The following ARHGEF4 variants were observed in gnomAD, a reference collection of about 807,000 sequenced individuals.
ARHGEF4 encodes the protein Rho guanine nucleotide exchange factor 4, also known as APC-stimulated guanine nucleotide exchange factor 1.
In ARHGEF4, 119 loss-of-function variants were observed where a neutral mutation model predicts 162.0. The ratio of observed to expected loss-of-function variants is 0.73; its 90% CI spans 0.63 to 0.86. The LOEUF (loss-of-function observed/expected upper bound fraction) is 0.86, where lower values mean the gene tolerates loss of function less well. Among genes scored for constraint, ARHGEF4 ranks in the 40% least tolerant of loss-of-function variants. The pLI is 0.00. For synonymous variants in ARHGEF4, 1,014 were observed against 979.9 expected (o/e 1.03, Z -0.65); for missense variants, 2,488 against 2,456.0 (o/e 1.01, Z -0.28).
At chr2:130,906,550 A>G (rs1680821120) in intron 1 of ARHGEF4, among the ~76,000 whole-genome samples, 1 of 152,120 alleles carries the variant, frequency 6.6e-6, no homozygotes, top group East Asian at 1.9e-4. Context: ...TCTTTTTCTG[A>G]TGGTAAGAAA....
chr2:130,905,005 G>A (rs930081567), intron 1 of ARHGEF4, among the ~76,000 whole-genome samples: 10 of 152,206 alleles, frequency 6.6e-5, no homozygotes, highest in Non-Finnish European at 1.3e-4. Flanking sequence ...CTTGAACATC[G>A]GAGGCAGAGG....
Position 131,046,044 on chromosome 2 carries a change from G to A in ARHGEF4, c.5486G>A (p.Gly1829Asp), listed in dbSNP as rs1264315488. 5.0e-6 allele frequency: 8 copies of A among 1,610,432 alleles called. No individual in the cohort carries two copies. The South Asian group carries it at 7.7e-5, about 16-fold the overall frequency. The change falls in exon 14 of 14, where the codon GGC (glycine) becomes GAC (aspartate). Residue 1829 changes from glycine to aspartate, a missense_variant. This residue lies in a region of ARHGEF4 where 415 missense variants were observed against 512.4 expected (regional missense o/e 0.81). Coordinates refer to ENST00000409359, the MANE Select transcript of ARHGEF4 (RefSeq NM_001367493.1). ...QQVTGKPKAV[G>D]RPCYLTRQKH... ...GCTGTCTCTCCCTGTTCAGCTGTTG[G>A]CCGGCCCTGCTACCTGACGCGCCAG...
At chr2:130,883,596 G>A (rs1483628665) in intron 1 of ARHGEF4, among the ~76,000 whole-genome samples, 2 of 152,120 alleles carry the variant, frequency 1.3e-5, no homozygotes, top group African/African-American at 4.8e-5. Flanking sequence ...TGGGACCTGG[G>A]AAACCAGAGG....
intron 1 of ARHGEF4, among the ~76,000 whole-genome samples, chr2:130,866,555 C>T (rs1309974984): frequency 6.6e-6 from 1 of 152,166 alleles, no homozygotes; most frequent in Non-Finnish European, 1.5e-5. Context: ...GGACGTCTCT[C>T]CTTGTATCCT....
At chr2:130,928,553 C>T (rs1254228085) in intron 2 of ARHGEF4, among the ~76,000 whole-genome samples, 2 of 152,302 alleles carry the variant, frequency 1.3e-5, no homozygotes, top group South Asian at 4.1e-4. Context: ...TACACAGTCA[C>T]GTGGCTGACT....
chr2:130,957,511 G>A (rs1008129501), intron 4 of ARHGEF4, among the ~76,000 whole-genome samples: 5 of 152,126 alleles, frequency 3.3e-5, no homozygotes, highest in Admixed American at 3.3e-4. Flanking sequence ...TTTTGGGTGG[G>A]GGTGTTGAGA....
chr2:130,854,658 C>G (rs889338283), intron 1 of ARHGEF4, among the ~76,000 whole-genome samples: 1 of 152,160 alleles, frequency 6.6e-6, no homozygotes, highest in African/African-American at 2.4e-5. Flanking sequence ...ATCTCACTCA[C>G]AGGATGGAGG....
chr2:131,030,094 CA>C (rs1391511403), intron 5 of ARHGEF4, among the ~76,000 whole-genome samples: 1 of 152,228 alleles, frequency 6.6e-6, no homozygotes, highest in Admixed American at 6.5e-5. Flanking sequence ...GTGATCATCC[CA>C]ACCAAAGCCC....
intron 4 of ARHGEF4, among the ~76,000 whole-genome samples, chr2:130,992,706 A>G (rs62178936): frequency 0.045 from 6,916 of 152,370 alleles, 178 homozygotes; most frequent in Middle Eastern, 0.075. Context: ...ACACAGTATC[A>G]GTGCAAGCCA....
At chr2:130,839,326 T>G (rs1041119985) in intron 1 of ARHGEF4, among the ~76,000 whole-genome samples, 2 of 152,158 alleles carry the variant, frequency 1.3e-5, no homozygotes, top group Non-Finnish European at 2.9e-5. Flanking sequence ...GAGGTACCCC[T>G]GATGATGGGT....
intron 2 of ARHGEF4, 143 bp from the exon 3 acceptor site, chr2:130,930,809 G>T (rs72861463): frequency 0.17 from 111,608 of 651,792 alleles, 10,120 homozygotes; most frequent in South Asian, 0.25. Context: ...TGTGAACAAA[G>T]TATTTCACTG....
In ARHGEF4 at chr2:131,041,241, C is replaced by G; in HGVS notation, c.4674C>G (p.Phe1558Leu). The G allele has an allele frequency of 6.2e-7, 1 of 1,613,492 alleles. No homozygotes were observed. Among genetic ancestry groups the G allele is most frequent in the Non-Finnish European group, 8.5e-7 (1 of 1,179,814 alleles). ...GCTGTGCCCCTTAGCAAGCCGACTTCCAGATCTACTCGGAGTACTGCAATA... is the reference window on the plus strand; with the variant it reads ...GCTGTGCCCCTTAGCAAGCCGACTTGCAGATCTACTCGGAGTACTGCAATA... ...GACFLEHQAD[F>L]QIYSEYCNNH... Residue 1558 changes from phenylalanine (F) to leucine (L), a missense_variant, in exon 9 of 14, where the codon TTC (phenylalanine) becomes TTG (leucine). By Grantham distance (22) the Phe-to-Leu change is conservative (BLOSUM62 0). Around this residue, in one of 6 missense-constraint regions of ARHGEF4, gnomAD observed 415 missense variants for 512.4 expected, o/e 0.81. Coordinates refer to ENST00000409359, the MANE Select transcript of ARHGEF4 (RefSeq NM_001367493.1).
chr2:130,974,120 A>AG (rs1685538071), intron 4 of ARHGEF4, among the ~76,000 whole-genome samples: 1 of 151,896 alleles, frequency 6.6e-6, no homozygotes, highest in African/African-American at 2.4e-5. Context: ...AAAAAAAAAA[A>AG]AATTAGCCAG....
intron 1 of ARHGEF4, among the ~76,000 whole-genome samples, chr2:130,870,118 G>C (rs1328700354): frequency 6.6e-6 from 1 of 152,186 alleles, no homozygotes; most frequent in African/African-American, 2.4e-5. Context: ...AACCCCTGCA[G>C]GGCCTCAGAG....
intron 2 of ARHGEF4, among the ~76,000 whole-genome samples, chr2:130,918,458 C>T (rs1015228904): frequency 6.9e-6 from 1 of 145,206 alleles, no homozygotes; most frequent in Non-Finnish European, 1.5e-5. Flanking sequence ...AAGTAAGGCT[C>T]CCTCAGCTTC....
intron 1 of ARHGEF4, among the ~76,000 whole-genome samples, chr2:130,885,543 A>G (rs77040753): frequency 0.017 from 2,441 of 144,630 alleles, 88 homozygotes; most frequent in African/African-American, 0.058. Flanking sequence ...TTCAAACCAT[A>G]GCACTCTCTT....
intron 4 of ARHGEF4, among the ~76,000 whole-genome samples, chr2:131,022,606 ACCAT>A (rs1689203327): frequency 6.6e-6 from 1 of 151,590 alleles, no homozygotes; most frequent in Non-Finnish European, 1.5e-5. Context: ...ATACCATTAG[ACCAT>A]CCATAGGTGA....
intron 4 of ARHGEF4, among the ~76,000 whole-genome samples, chr2:131,007,800 CTTTTTTTTTTTTTTT>C (rs70994731): frequency 7.2e-5 from 4 of 55,914 alleles, no homozygotes; most frequent in East Asian, 5.8e-4. Context: ...CTTTTCTTTT[CTTTTTTTTTTTTTTT>C]TTTTTTTTTT....
chr2:131,007,310 T>C (rs1041967726), intron 4 of ARHGEF4, among the ~76,000 whole-genome samples: 1 of 152,196 alleles, frequency 6.6e-6, no homozygotes, highest in African/African-American at 2.4e-5. Flanking sequence ...AATGCTGAAT[T>C]TATGTCCCTG....
Sources: allele counts gnomAD v4.1 joint callset (sites outside exome capture counted in the v4.1 genomes callset), GRCh38; gene constraint gnomAD v4.1.1; regional missense constraint gnomAD v4.1.1; transcripts MANE v1.5; gene names NCBI Gene and HGNC (gene_info 2026-07-23, HGNC 2026-07-21).